Variants in NRXN2 observed in about 807,000 individuals in gnomAD.
NRXN2 encodes the protein neurexin 2.
NRXN2 carries 29 observed loss-of-function variants against 128.8 expected under a neutral mutation model. The ratio of observed to expected loss-of-function variants is 0.23; its 90% CI spans 0.17 to 0.31. The LOEUF is 0.31. Ranked by LOEUF, NRXN2 falls within the 10% of genes least tolerant of loss-of-function variation. The pLI is 1.00. For missense variants in NRXN2, 1,881 were observed against 2,452.6 expected (o/e 0.77, Z 4.92); for synonymous variants, 1,098 against 1,075.2 (o/e 1.02, Z -0.41).
At chr11:64,655,235 G>A (rs1044515252) in intron 11 of NRXN2, among the ~76,000 whole-genome samples, 1 of 152,218 alleles carries the variant, frequency 6.6e-6, no homozygotes, top group Non-Finnish European at 1.5e-5. Context: ...GCAGAAGAGT[G>A]GAGGCGAGCA....
At chr11:64,687,314 G>T (rs550231164) in intron 5 of NRXN2, among the ~76,000 whole-genome samples, 3 of 146,700 alleles carry the variant, frequency 2.0e-5, no homozygotes, top group African/African-American at 7.4e-5. Flanking sequence ...GGGTGGTGGC[G>T]GGGGGGGAGT....
rs2135251718 is a variant in NRXN2, at chr11:64,607,878, C to G, written c.4457G>C (p.Cys1486Ser). 1 of 1,584,688 alleles carries G rather than the reference C, an allele frequency of 6.3e-7. No individual in the cohort carries two copies. The highest frequency in any genetic ancestry group is 1.3e-5 in the African/African-American group (1 of 74,380). Reference protein sequence around the residue: ...PCQAERDDSDCEEPIEASGFA... With the variant: ...PCQAERDDSDSEEPIEASGFA... ...GCCCGAGGCCTCGATGGGCTCCTCG[C>G]AGTCGCTGTCGTCCCGCTCGGCCTG... Residue 1486 changes from cysteine (C) to serine (S), a missense_variant, in exon 23 of 23, where the codon TGC becomes TCC. Coordinates refer to ENST00000265459, the MANE Select transcript of NRXN2 (RefSeq NM_015080.4).
chr11:64,682,827 G>A (rs953276282), intron 6 of NRXN2, among the ~76,000 whole-genome samples: 3 of 152,128 alleles, frequency 2.0e-5, no homozygotes, highest in East Asian at 1.9e-4. Context: ...AGACACCTCT[G>A]GTCACAGTGA....
chr11:64,660,241 G>A lies in NRXN2; in HGVS notation c.2389+91C>T. 4 of 1,445,118 alleles carry A rather than the reference G, an allele frequency of 2.8e-6. No individual in the cohort carries two copies. The highest frequency in any genetic ancestry group is 3.9e-6 in the Non-Finnish European group (4 of 1,029,128). 89.5% of individuals were successfully genotyped at this position (1,445,118 alleles called of 1,614,324 possible). On this transcript the variant is annotated intron_variant, in intron 11 of 22. Transcript: ENST00000265459. The surrounding 1 kb of genome is among the most constrained non-coding windows in gnomAD (Gnocchi z 5.2). ...AACTCTGCTGAGGGCACCTCTTGCTGGTGCCACCACCAGCTTCTCCAGACA... is the reference window on the plus strand; with the variant it reads ...AACTCTGCTGAGGGCACCTCTTGCTAGTGCCACCACCAGCTTCTCCAGACA...
rs11604367 is a variant in NRXN2 at position 64,645,137 on chromosome 11, G to A, written c.3403+3082C>T. 4.6e-5 allele frequency among the ~76,000 whole-genome samples: 7 copies of A among 152,322 alleles called. No homozygotes were observed. In the South Asian group the frequency reaches 1.2e-3, roughly 27 times the overall value. Reference sequence around the variant, plus strand: ...CAGGGCTGGGGCCCCCAGAGGCCACGTCCTCCTGCCCTCTCTATCACGTTC... The same window carrying A: ...CAGGGCTGGGGCCCCCAGAGGCCACATCCTCCTGCCCTCTCTATCACGTTC... On this transcript the variant is annotated intron_variant, in intron 17 of 22. Coordinates refer to ENST00000265459, the MANE Select transcript of NRXN2 (RefSeq NM_015080.4).
chr11:64,643,315 C>A, intron 17 of NRXN2: 6 of 956,882 alleles, frequency 6.3e-6, no homozygotes, highest in Non-Finnish European at 7.3e-6. Context: ...CCGCTGCTGC[C>A]GCTGCCGCCC....
In NRXN2 at chr11:64,648,718, T is replaced by C; in HGVS notation, c.3283+16A>G. On this transcript the variant is annotated intron_variant, in intron 16 of 22. Transcript: ENST00000265459. This position sits in a 1 kb window ranked among gnomAD's most constrained non-coding sequence, Gnocchi z 4.1. ...AGCCAGTAGGGCCACACCTCACTCC[T>C]CCACCCTCCACTCACCATCACAGCC... is the stretch of plus-strand genomic sequence containing the variant. 1 of 1,612,852 alleles carries C rather than the reference T, an allele frequency of 6.2e-7. No homozygotes were observed. Among genetic ancestry groups the C allele is most frequent in the Non-Finnish European group, 8.5e-7 (1 of 1,179,854 alleles).
chr11:64,674,038 CAAAA>C (rs34895531), intron 7 of NRXN2, among the ~76,000 whole-genome samples: 3 of 73,186 alleles, frequency 4.1e-5, no homozygotes, highest in Admixed American at 1.6e-4. Context: ...ACTCTGTCTC[CAAAA>C]AAAAAAAAAA....
At chr11:64,717,991 T>C (rs925700484) in intron 1 of NRXN2, among the ~76,000 whole-genome samples, 1 of 152,162 alleles carries the variant, frequency 6.6e-6, no homozygotes, top group Admixed American at 6.5e-5. Flanking sequence ...TCAGAGCTCA[T>C]GGGGTTCATC....
chr11:64,648,803 T>C lies in NRXN2; in HGVS notation c.3214A>G (p.Asn1072Asp). 6.2e-7 allele frequency: 1 copy of C among 1,614,144 alleles called. No individual in the cohort carries two copies. The highest frequency in any genetic ancestry group is 8.5e-7 in the Non-Finnish European group (1 of 1,180,000). Residue 1072 changes from asparagine (N) to aspartate (D), a missense_variant, in exon 16 of 23, where the codon AAC becomes GAC. Physicochemically the swap from Asn to Asp is conservative, Grantham distance 23. Around this residue, in one of 7 missense-constraint regions of NRXN2, gnomAD observed 390 missense variants for 599.6 expected, o/e 0.65. Transcript: ENST00000265459. The surrounding 1 kb of genome is among the most constrained non-coding windows in gnomAD (Gnocchi z 4.1). ...FQGCLASVDL[N>D]GRLPDLIADA... is the part of the protein sequence containing the mutation. ...GCGATGAGGTCTGGGAGACGTCCGT[T>C]GAGGTCCACTGAGGCCAGGCAGCCC...
At chr11:64,681,648 G>A (rs1815322263) in intron 6 of NRXN2, among the ~76,000 whole-genome samples, 1 of 152,208 alleles carries the variant, frequency 6.6e-6, no homozygotes, top group Non-Finnish European at 1.5e-5. Context: ...GCTCACAGAG[G>A]TTGTATAACT....
At chr11:64,620,210 T>C in intron 22 of NRXN2, 84 bp downstream of exon 22, 1 of 1,106,128 alleles carries the variant, frequency 9.0e-7, no homozygotes, top group Non-Finnish European at 1.3e-6. Flanking sequence ...CCCTGGGGCT[T>C]GGGCCAGGTG....
At chr11:64,721,523 A>G (rs1426721808) in intron 1 of NRXN2, among the ~76,000 whole-genome samples, 1 of 152,076 alleles carries the variant, frequency 6.6e-6, no homozygotes, top group Non-Finnish European at 1.5e-5. Context: ...CTCAGATGCC[A>G]GCATCCCTAG....
Position 64,607,411 on chromosome 11 carries a change from T to G in NRXN2, c.4924A>C (p.Ile1642Leu). The change falls in exon 23 of 23, where the codon ATT (isoleucine) becomes CTT (leucine). Residue 1642 changes from isoleucine (I) to leucine (L), a missense_variant. Physicochemically the swap from Ile to Leu is conservative, Grantham distance 5. Around this residue, in one of 7 missense-constraint regions of NRXN2, gnomAD observed 11 missense variants for 31.3 expected, o/e 0.35. Transcript: ENST00000265459. ...SSSTTGMVVGIVAAAALCILI... is the reference protein window; with the variant it reads ...SSSTTGMVVGLVAAAALCILI... ...ATGCAGAGCGCCGCCGCCGCCACAA[T>G]GCCCACCACCATGCCCGTGGTGCTG... is the stretch of plus-strand genomic sequence containing the variant. 1 of 1,613,098 alleles carries G rather than the reference T, an allele frequency of 6.2e-7. No homozygotes were observed. The highest frequency in any genetic ancestry group is 8.5e-7 in the Non-Finnish European group (1 of 1,179,848).
At position 64,630,959 on chromosome 11, in the gene NRXN2, T is replaced by C. The variant is rs2043818428; in HGVS notation, c.3586-386A>G. 6.6e-6 allele frequency among the ~76,000 whole-genome samples: 1 copy of C among 152,080 alleles called. No homozygotes were observed. The highest frequency in any genetic ancestry group is 2.4e-5 in the African/African-American group (1 of 41,394). The stretch of plus-strand genomic sequence containing the variant: ...GGGCAGAGGCCTCTCTAAGGCAAGA[T>C]CAGCAGAGAAGTCCACAGAAGCCGG... On this transcript the variant is annotated intron_variant, in intron 18 of 22. Coordinates refer to ENST00000265459, the MANE Select transcript of NRXN2 (RefSeq NM_015080.4). The surrounding 1 kb of genome is among the most constrained non-coding windows in gnomAD (Gnocchi z 4.6).
chr11:64,666,339 C>T (rs2049857115), intron 9 of NRXN2, among the ~76,000 whole-genome samples: 1 of 151,494 alleles, frequency 6.6e-6, no homozygotes, highest in Non-Finnish European at 1.5e-5. Context: ...GTAGCTGGGA[C>T]TACAGGAGTG....
chr11:64,709,561 A>C (rs1171856105), intron 2 of NRXN2, among the ~76,000 whole-genome samples: 1 of 152,214 alleles, frequency 6.6e-6, no homozygotes, highest in African/African-American at 2.4e-5. Context: ...AGATGCAATC[A>C]GTGCCTACAA....
rs1169070778 is a variant in NRXN2 at position 64,660,534 on chromosome 11, C to T, written c.2187G>A (p.Glu729=). 6.2e-7 allele frequency: 1 copy of T among 1,613,964 alleles called. No homozygotes were observed. Among genetic ancestry groups the T allele is most frequent in the Non-Finnish European group, 8.5e-7 (1 of 1,180,022 alleles). ...TGFLGRVCER[E]ATVLSYDGSM... ...AGCCATCGTAGCTCAGGACCGTGGC[C>T]TCTGCCCACAGGAGTTGGGGAAGAG... The change falls in exon 11 of 23, where the codon GAG becomes GAA. Residue 729 remains glutamate, a splice_region_variant and synonymous_variant. Coordinates refer to ENST00000265459, the MANE Select transcript of NRXN2 (RefSeq NM_015080.4). This position sits in a 1 kb window ranked among gnomAD's most constrained non-coding sequence, Gnocchi z 5.2.
rs1565333951 is a variant in NRXN2 at position 64,660,539 on chromosome 11, C to A, written c.2186-4G>T. The A allele has an allele frequency of 6.2e-7, 1 of 1,613,888 alleles. No individual in the cohort carries two copies. Among genetic ancestry groups the A allele is most frequent in the Admixed American group, 1.7e-5 (1 of 60,018 alleles). On this transcript the variant is annotated splice_region_variant and splice_polypyrimidine_tract_variant and intron_variant, in intron 10 of 22. Coordinates refer to ENST00000265459, the MANE Select transcript of NRXN2 (RefSeq NM_015080.4). This position sits in a 1 kb window ranked among gnomAD's most constrained non-coding sequence, Gnocchi z 5.2. The stretch of plus-strand genomic sequence containing the variant: ...TCGTAGCTCAGGACCGTGGCCTCTG[C>A]CCACAGGAGTTGGGGAAGAGGGAAG...
Sources: gnomAD v4.1 joint callset for allele counts (sites outside exome capture counted in the v4.1 genomes callset) on GRCh38, gnomAD v4.1.1 for gene constraint, gnomAD v4.1.1 regional missense constraint, Gnocchi (gnomAD v3.1) non-coding constraint, MANE v1.5 for transcripts, NCBI Gene and HGNC (gene_info 2026-07-23, HGNC 2026-07-21) for gene names.